TRPM3: variants seen among roughly 807,000 people sequenced by gnomAD.
TRPM3 encodes the protein transient receptor potential cation channel subfamily M member 3.
Under a neutral mutation model 181.2 loss-of-function variants are expected in TRPM3, and 77 were observed. That is an observed-to-expected ratio of 0.42 (90% CI 0.35 to 0.51). The LOEUF (loss-of-function observed/expected upper bound fraction) is 0.51. Among genes scored for constraint, TRPM3 ranks in the 20% least tolerant of loss-of-function variants. The pLI, the probability that TRPM3 is intolerant of heterozygous loss-of-function variation, is 0.01. For missense variants in TRPM3, 1,759 were observed against 2,196.7 expected, an observed-to-expected ratio of 0.80 and a Z score of 3.98; for synonymous variants, 745 against 796.4, an observed-to-expected ratio of 0.94 and a Z score of 1.09.
intron 1 of TRPM3, among the ~76,000 whole-genome samples, chr9:71,062,960 T>C (rs1288189432): frequency 2.0e-5 from 3 of 152,176 alleles, no homozygotes; most frequent in East Asian, 1.9e-4. Flanking sequence ...GTTTGTGATA[T>C]TGTGTTATAA....
At chr9:70,819,539 C>A (rs1360492488) in intron 6 of TRPM3, among the ~76,000 whole-genome samples, 3 of 152,068 alleles carry the variant, frequency 2.0e-5, no homozygotes, top group Non-Finnish European at 4.4e-5. Context: ...TCAGATATTA[C>A]TATAGGGTAA....
chr9:70,673,746 G>A, intron 9 of TRPM3, among the ~76,000 whole-genome samples: 1 of 151,966 alleles, frequency 6.6e-6, no homozygotes, highest in South Asian at 2.1e-4. Flanking sequence ...GGCCAACATA[G>A]TGAAACCCCA....
At chr9:70,803,966 T>C (rs541618600) in intron 6 of TRPM3, among the ~76,000 whole-genome samples, 41 of 152,138 alleles carry the variant, frequency 2.7e-4, no homozygotes, top group South Asian at 1.7e-3. Context: ...CCCCATCAAT[T>C]TACCTTCCCA....
At chr9:70,872,332 G>A (rs920327049) in intron 1 of TRPM3, among the ~76,000 whole-genome samples, 2 of 151,906 alleles carry the variant, frequency 1.3e-5, no homozygotes, top group African/African-American at 4.8e-5. Flanking sequence ...GGAAGGAGTA[G>A]TAGTGGTCTT....
At chr9:71,312,240 T>C (rs531044411) in intron 1 of TRPM3, among the ~76,000 whole-genome samples, 1 of 152,160 alleles carries the variant, frequency 6.6e-6, no homozygotes, top group South Asian at 2.1e-4. Flanking sequence ...CAATTAAAAA[T>C]GGGCAGAAGA....
intron 22 of TRPM3, among the ~76,000 whole-genome samples, chr9:70,572,037 G>A (rs571940973): frequency 1.3e-5 from 2 of 152,070 alleles, no homozygotes; most frequent in Admixed American, 6.6e-5. Flanking sequence ...AGTGGTTCCC[G>A]GACGTCTTTG....
At chr9:71,408,954 A>G (rs1406414382) in intron 1 of TRPM3, among the ~76,000 whole-genome samples, 3 of 152,222 alleles carry the variant, frequency 2.0e-5, no homozygotes, top group African/African-American at 4.8e-5. Flanking sequence ...AATATTCAAT[A>G]TTCATAAAGA....
intron 1 of TRPM3, among the ~76,000 whole-genome samples, chr9:71,380,183 G>A (rs558960544): frequency 2.3e-4 from 35 of 152,000 alleles, no homozygotes; most frequent in Admixed American, 5.3e-4. Flanking sequence ...ATTTGCTTGC[G>A]GGGAATTCTT....
intron 22 of TRPM3, among the ~76,000 whole-genome samples, chr9:70,580,393 G>C (rs2055317784): frequency 6.6e-6 from 1 of 152,260 alleles, no homozygotes; most frequent in Middle Eastern, 3.4e-3. Flanking sequence ...AAGTAATGGT[G>C]GAAAAGATGA....
intron 1 of TRPM3, among the ~76,000 whole-genome samples, chr9:71,092,319 A>G (rs2066364395): frequency 6.6e-6 from 1 of 152,200 alleles, no homozygotes; most frequent in African/African-American, 2.4e-5. Flanking sequence ...AGCAACCTGA[A>G]TAAAGTTTTT....
At chr9:71,154,275 A>G (rs942968491) in intron 1 of TRPM3, among the ~76,000 whole-genome samples, 102 of 152,282 alleles carry the variant, frequency 6.7e-4, no homozygotes, top group African/African-American at 2.2e-3. Context: ...TGTAAGCTCT[A>G]TAAGTACAAA....
At chr9:70,957,443 C>G (rs543018203) in intron 1 of TRPM3, among the ~76,000 whole-genome samples, 1 of 152,220 alleles carries the variant, frequency 6.6e-6, no homozygotes, top group South Asian at 2.1e-4. Context: ...GGGAGGTGCT[C>G]TGGGGTTAAA....
upstream of TRPM3, chr9:71,446,913 C>A: frequency 8.8e-6 from 12 of 1,371,134 alleles, no homozygotes; most frequent in Non-Finnish European, 1.1e-5. Context: ...GGTCTCCCTC[C>A]AGCCTGCGCG....
At chr9:70,991,555 GTTTTT>G (rs56157123) in intron 1 of TRPM3, among the ~76,000 whole-genome samples, 1 of 124,526 alleles carries the variant, frequency 8.0e-6, no homozygotes, top group African/African-American at 3.0e-5. Context: ...CTATGTGTCT[GTTTTT>G]TTTTTTTTTT....
intron 1 of TRPM3, among the ~76,000 whole-genome samples, chr9:71,444,759 A>G (rs2094181778): frequency 6.6e-6 from 1 of 152,230 alleles, no homozygotes; most frequent in Admixed American, 6.5e-5. Flanking sequence ...TTTGTTAACA[A>G]CTATAGAATC....
chr9:71,335,265 C>T (rs1298901585), intron 1 of TRPM3, among the ~76,000 whole-genome samples: 1 of 152,074 alleles, frequency 6.6e-6, no homozygotes, highest in Admixed American at 6.6e-5. Flanking sequence ...TTTCAGTAAC[C>T]CTAGACCCTG....
At chr9:71,223,945 C>T (rs1256803658) in intron 1 of TRPM3, among the ~76,000 whole-genome samples, 1 of 152,236 alleles carries the variant, frequency 6.6e-6, no homozygotes, top group Non-Finnish European at 1.5e-5. Flanking sequence ...CTGGACCTGT[C>T]TGGGACTCAG....
At chr9:70,687,151 G>T (rs937413143) in intron 8 of TRPM3, among the ~76,000 whole-genome samples, 1 of 152,092 alleles carries the variant, frequency 6.6e-6, no homozygotes, top group Non-Finnish European at 1.5e-5. Flanking sequence ...AAAATTTCTT[G>T]TCTCATAATG....
At chr9:70,631,378 T>A (rs931614834) in intron 12 of TRPM3, among the ~76,000 whole-genome samples, 5 of 146,172 alleles carry the variant, frequency 3.4e-5, no homozygotes, top group South Asian at 2.2e-4. Flanking sequence ...TTTTTTTTTT[T>A]TTATTCTGAA....
Sources: allele counts gnomAD v4.1 joint callset (sites outside exome capture counted in the v4.1 genomes callset), GRCh38; gene constraint gnomAD v4.1.1; transcripts MANE v1.5; gene names NCBI Gene and HGNC (gene_info 2026-07-23, HGNC 2026-07-21).